Variants in NRG1 observed in about 807,000 individuals in gnomAD.
NRG1 encodes the protein pro-neuregulin-1, membrane-bound isoform.
NRG1 carries 18 observed loss-of-function variants against 63.8 expected under a neutral mutation model. The ratio of observed to expected loss-of-function variants is 0.28; its 90% CI spans 0.19 to 0.42. NRG1 has a LOEUF of 0.42. Ranked by LOEUF, NRG1 falls within the 10% of genes least tolerant of loss-of-function variation. NRG1 has a pLI of 1.00. For missense variants in NRG1, 762 were observed against 814.7 expected (o/e 0.94, Z 0.79); for synonymous variants, 302 against 301.3 (o/e 1.00, Z -0.02).
chr8:32,257,542 A>T (rs1316702699), intron 1 of NRG1, among the ~76,000 whole-genome samples: 6 of 150,866 alleles, frequency 4.0e-5, no homozygotes, highest in Non-Finnish European at 8.9e-5. Context: ...TTCTTTACAT[A>T]TAGTGTTAGT....
chr8:32,389,759 CTTTTT>C (rs201406660), intron 1 of NRG1, among the ~76,000 whole-genome samples: 5 of 145,722 alleles, frequency 3.4e-5, no homozygotes, highest in Admixed American at 1.4e-4. Context: ...GTCTTTCTTT[CTTTTT>C]TTTTTTTTTT....
intron 1 of NRG1, among the ~76,000 whole-genome samples, chr8:31,807,238 G>T (rs1445568128): frequency 6.6e-6 from 1 of 152,180 alleles, no homozygotes; most frequent in African/African-American, 2.4e-5. Flanking sequence ...TACACTCTCA[G>T]CTTTGATACA....
chr8:32,483,511 CA>C (rs1354186314), intron 1 of NRG1, among the ~76,000 whole-genome samples: 1 of 152,224 alleles, frequency 6.6e-6, no homozygotes, highest in Non-Finnish European at 1.5e-5. Context: ...GTGACTACTT[CA>C]ACTTCTTGTG....
chr8:32,318,475 C>T (rs1368281492), intron 1 of NRG1, among the ~76,000 whole-genome samples: 2 of 152,224 alleles, frequency 1.3e-5, no homozygotes, highest in African/African-American at 4.8e-5. Flanking sequence ...GACATTGGCA[C>T]CAAGAAGTTA....
chr8:31,917,797 A>T (rs1242804710), intron 1 of NRG1, among the ~76,000 whole-genome samples: 2 of 152,190 alleles, frequency 1.3e-5, no homozygotes, highest in Non-Finnish European at 2.9e-5. Context: ...TACCTTGGGC[A>T]GTATGGCCAT....
chr8:32,666,564 G>A lies in NRG1; in HGVS notation c.502+49679G>A, dbSNP rs552573772. ...TTTGTCTGGAACTGATTTCATGCAG[G>A]AGATGCACTGGAATCAGCATGCAAA... On this transcript the variant is annotated intron_variant, in intron 5 of 11. Transcript: ENST00000356819. Among the ~76,000 whole-genome samples, 10 of 152,270 alleles carry A rather than the reference G, an allele frequency of 6.6e-5. 1 individual carries two copies. In the South Asian group the frequency reaches 2.1e-3, roughly 32 times the overall value.
At chr8:31,962,497 C>A (rs1433568710) in intron 1 of NRG1, among the ~76,000 whole-genome samples, 1 of 152,070 alleles carries the variant, frequency 6.6e-6, no homozygotes, top group Non-Finnish European at 1.5e-5. Flanking sequence ...AAGAGATGCT[C>A]AGTGATGGCC....
chr8:32,146,267 G>T (rs1453919333), intron 1 of NRG1, among the ~76,000 whole-genome samples: 1 of 152,162 alleles, frequency 6.6e-6, no homozygotes, highest in Non-Finnish European at 1.5e-5. Context: ...GAGAACTTGT[G>T]AAAGGTGGTA....
At chr8:32,060,661 GAAC>G (rs1180176360) in intron 1 of NRG1, among the ~76,000 whole-genome samples, 1 of 151,930 alleles carries the variant, frequency 6.6e-6, no homozygotes, top group East Asian at 1.9e-4. Flanking sequence ...CTGCACAGGA[GAAC>G]AACATATGTA....
At chr8:31,850,941 A>G (rs1277195401) in intron 1 of NRG1, among the ~76,000 whole-genome samples, 1 of 152,138 alleles carries the variant, frequency 6.6e-6, no homozygotes, top group East Asian at 1.9e-4. Flanking sequence ...TGCAGTATTT[A>G]CTGTTGTTGG....
intron 1 of NRG1, among the ~76,000 whole-genome samples, chr8:32,233,563 A>ATATTTTT (rs34593729): frequency 5.2e-4 from 35 of 67,250 alleles, no homozygotes; most frequent in East Asian, 7.9e-4. Flanking sequence ...ATATATATAT[A>ATATTTTT]TTTTTTTTTT....
intron 5 of NRG1, among the ~76,000 whole-genome samples, chr8:32,649,350 A>G (rs929553817): frequency 6.6e-6 from 1 of 152,142 alleles, no homozygotes; most frequent in East Asian, 1.9e-4. Context: ...CTAAATATCA[A>G]TATAGAAGGG....
intron 1 of NRG1, among the ~76,000 whole-genome samples, chr8:32,408,971 T>C (rs113280906): frequency 2.6e-5 from 4 of 152,158 alleles, no homozygotes; most frequent in East Asian, 1.9e-4. Flanking sequence ...TTCTTACTTA[T>C]AAGTAAGAAC....
chr8:32,721,959 A>C, intron 5 of NRG1: 1 of 1,543,942 alleles, frequency 6.5e-7, no homozygotes, highest in Non-Finnish European at 8.7e-7. Flanking sequence ...GAGCAAGAAT[A>C]ATAATTTCAG....
At chr8:31,996,132 A>C (rs1307717572) in intron 1 of NRG1, among the ~76,000 whole-genome samples, 1 of 151,352 alleles carries the variant, frequency 6.6e-6, no homozygotes, top group Non-Finnish European at 1.5e-5. Context: ...CCAAACTTGT[A>C]TTTCTTTTGT....
At chr8:32,205,656 T>G (rs892037040) in intron 1 of NRG1, among the ~76,000 whole-genome samples, 6 of 152,146 alleles carry the variant, frequency 3.9e-5, no homozygotes, top group Non-Finnish European at 7.4e-5. Flanking sequence ...TAACTTATCC[T>G]TTTTACTTTT....
At chr8:32,461,958 A>G (rs1435126486) in intron 1 of NRG1, among the ~76,000 whole-genome samples, 1 of 152,198 alleles carries the variant, frequency 6.6e-6, no homozygotes. Context: ...TTTAGATGCG[A>G]AGTTCCCAAA....
chr8:32,565,419 T>C (rs955601165), intron 1 of NRG1, among the ~76,000 whole-genome samples: 1 of 152,182 alleles, frequency 6.6e-6, no homozygotes, highest in Non-Finnish European at 1.5e-5. Flanking sequence ...TTATGCCCGG[T>C]CTAGAACTTT....
chr8:31,771,299 A>T (rs1818601676), intron 1 of NRG1, among the ~76,000 whole-genome samples: 1 of 152,172 alleles, frequency 6.6e-6, no homozygotes, highest in Admixed American at 6.6e-5. Context: ...CCTGAGATTT[A>T]TCTAAGTTGT....
Sources: allele counts gnomAD v4.1 joint callset (sites outside exome capture counted in the v4.1 genomes callset), GRCh38; gene constraint gnomAD v4.1.1; transcripts MANE v1.5; gene names NCBI Gene and HGNC (gene_info 2026-07-23, HGNC 2026-07-21).